Variants in STMN2 observed in about 807,000 individuals in gnomAD.
The protein encoded by STMN2 is stathmin 2, also known as stathmin-2.
Under a neutral mutation model 24.1 loss-of-function variants are expected in STMN2, and 2 were observed. The ratio of observed to expected loss-of-function variants is 0.08; its 90% CI spans 0.03 to 0.26. The LOEUF is 0.26. Among genes scored for constraint, STMN2 ranks in the 10% least tolerant of loss-of-function variants. STMN2 has a pLI of 1.00. For synonymous variants in STMN2, 83 were observed against 77.5 expected (o/e 1.07, Z -0.37); for missense variants, 114 against 213.6 (o/e 0.53, Z 2.91).
chr8:79,636,645 C>T (rs1259749943), intron 1 of STMN2, among the ~76,000 whole-genome samples, 157 bp from the exon 2 acceptor site: 2 of 152,238 alleles, frequency 1.3e-5, no homozygotes, highest in Non-Finnish European at 1.5e-5. Flanking sequence ...ATTCTGTTGA[C>T]ATCTTGCATT....
At chr8:79,661,209 CTTT>C (rs1464019323) in intron 4 of STMN2, among the ~76,000 whole-genome samples, 2 of 152,086 alleles carry the variant, frequency 1.3e-5, no homozygotes, top group Non-Finnish European at 1.5e-5. Context: ...ACTTTCAGTT[CTTT>C]ATGTTTTCCA....
intron 1 of STMN2, among the ~76,000 whole-genome samples, chr8:79,634,660 A>G (rs776452259): frequency 6.6e-6 from 1 of 152,228 alleles, no homozygotes; most frequent in Non-Finnish European, 1.5e-5. Flanking sequence ...GCTACATGTG[A>G]CTTTGGCCTC....
chr8:79,661,386 C>T (rs1430771314), intron 4 of STMN2, among the ~76,000 whole-genome samples: 1 of 151,988 alleles, frequency 6.6e-6, no homozygotes, highest in East Asian at 1.9e-4. Context: ...CTGATGTTGA[C>T]AATATTTAAC....
intron 4 of STMN2, among the ~76,000 whole-genome samples, chr8:79,659,802 G>A (rs1806463660): frequency 6.6e-6 from 1 of 152,082 alleles, no homozygotes; most frequent in Non-Finnish European, 1.5e-5. Flanking sequence ...TCACACTTAT[G>A]TCACATTAGC....
At chr8:79,658,521 AAT>A (rs1168867809) in intron 4 of STMN2, among the ~76,000 whole-genome samples, 1 of 152,214 alleles carries the variant, frequency 6.6e-6, no homozygotes. Context: ...AGTATGGTCC[AAT>A]ATAGACAGTA....
intron 1 of STMN2, among the ~76,000 whole-genome samples, chr8:79,629,541 A>G (rs1809749132): frequency 6.6e-6 from 1 of 152,214 alleles, no homozygotes; most frequent in African/African-American, 2.4e-5. Flanking sequence ...GCAACTTTAG[A>G]AAACTGTTGA....
chr8:79,653,317 CAGTG>C (rs1357306054), intron 3 of STMN2, among the ~76,000 whole-genome samples: 2 of 152,106 alleles, frequency 1.3e-5, no homozygotes, highest in African/African-American at 4.8e-5. Context: ...GCAGAGATTA[CAGTG>C]AGCAGAGATC....
chr8:79,655,912 G>C (rs921257035), intron 4 of STMN2, among the ~76,000 whole-genome samples: 7 of 152,200 alleles, frequency 4.6e-5, no homozygotes, highest in African/African-American at 1.7e-4. Flanking sequence ...CCAGTAGCAA[G>C]TGCCTTTGTG....
intron 1 of STMN2, among the ~76,000 whole-genome samples, chr8:79,612,127 G>A (rs970261133): frequency 7.3e-4 from 107 of 147,564 alleles, no homozygotes; most frequent in South Asian, 2.0e-3. Context: ...GGAGCGCAGC[G>A]TGACACCCAG....
chr8:79,613,819 C>T (rs1809310798), intron 1 of STMN2: 1 of 985,298 alleles, frequency 1.0e-6, no homozygotes, highest in Middle Eastern at 5.2e-4. Context: ...TTGCTTCCTG[C>T]CAGGATTATG....
At chr8:79,643,286 A>C (rs1366261414) in intron 3 of STMN2, among the ~76,000 whole-genome samples, 2 of 150,648 alleles carry the variant, frequency 1.3e-5, no homozygotes, top group Non-Finnish European at 3.0e-5. Context: ...CAGCTTTTTT[A>C]TTGTTATTTT....
At chr8:79,633,314 T>G (rs1346829088) in intron 1 of STMN2, among the ~76,000 whole-genome samples, 1 of 152,186 alleles carries the variant, frequency 6.6e-6, no homozygotes, top group Non-Finnish European at 1.5e-5. Flanking sequence ...TCATGCTATG[T>G]GGGGTCATAG....
intron 1 of STMN2, among the ~76,000 whole-genome samples, chr8:79,614,879 T>C (rs1375957090): frequency 6.6e-6 from 1 of 152,214 alleles, no homozygotes; most frequent in African/African-American, 2.4e-5. Context: ...AAATTACTAA[T>C]GGATAGATGG....
intron 1 of STMN2, among the ~76,000 whole-genome samples, chr8:79,632,785 G>C (rs1285052541): frequency 6.6e-6 from 1 of 152,100 alleles, no homozygotes; most frequent in East Asian, 1.9e-4. Context: ...TTTTGCCTAG[G>C]ATGAATAAAC....
chr8:79,641,623 TGCACGCACACAC>T, intron 3 of STMN2, 73 bp downstream of exon 3: 3 of 521,008 alleles, frequency 5.8e-6, no homozygotes, highest in Non-Finnish European at 6.0e-6. Flanking sequence ...CGGGCACACA[TGCACGCACACAC>T]ACACACACAC....
At chr8:79,613,815 C>T (rs912350928) in intron 1 of STMN2, 8 of 985,340 alleles carry the variant, frequency 8.1e-6, no homozygotes, top group Non-Finnish European at 9.6e-6. Flanking sequence ...ATTTTTGCTT[C>T]CTGCCAGGAT....
At chr8:79,624,098 C>A (rs920975385) in intron 1 of STMN2, among the ~76,000 whole-genome samples, 2 of 151,954 alleles carry the variant, frequency 1.3e-5, no homozygotes, top group Non-Finnish European at 2.9e-5. Flanking sequence ...TTTTTTAAGA[C>A]AGTGTACACA....
Position 79,641,247 on chromosome 8 carries a change from C to T in STMN2, c.116-131C>T. 6.6e-6 allele frequency: 6 copies of T among 903,530 alleles called. No individual in the cohort carries two copies. The South Asian group carries it at 7.2e-5, about 11-fold the overall frequency. The allele number at this position is 903,530 out of a possible 1,614,324, so 56.0% of individuals were successfully genotyped here. A position where few individuals can be genotyped will look rare whatever the true frequency, so the allele number is the denominator to read the frequency against. The stretch of plus-strand genomic sequence containing the variant: ...TGTTCTAAACAACATAGAGCAAATG[C>T]TCATAAACAGCATTTTATTCCTATC... On this transcript the variant is annotated intron_variant, in intron 2 of 4. Transcript: ENST00000220876.
chr8:79,618,409 A>G (rs1272451950), intron 1 of STMN2, among the ~76,000 whole-genome samples: 1 of 152,232 alleles, frequency 6.6e-6, no homozygotes, highest in Non-Finnish European at 1.5e-5. Flanking sequence ...CCTCAGTCCC[A>G]TCATGGTTAG....
Sources: gnomAD v4.1 joint callset for allele counts (sites outside exome capture counted in the v4.1 genomes callset) on GRCh38, gnomAD v4.1.1 for gene constraint, MANE v1.5 for transcripts, NCBI Gene and HGNC (gene_info 2026-07-23, HGNC 2026-07-21) for gene names.